The following AKAP19 variants were observed in gnomAD, a reference collection of about 807,000 sequenced individuals.
AKAP19 encodes the protein small A-kinase anchoring protein.
chr2:190,195,950 T>C, the AKAP19 span, among the ~76,000 whole-genome samples: 1 of 150,428 alleles, frequency 6.6e-6, no homozygotes, highest in African/African-American at 2.4e-5. Flanking sequence ...GCTTTTTTTT[T>C]TTTTTTTTTT....
the AKAP19 span, among the ~76,000 whole-genome samples, chr2:190,157,664 G>A: frequency 6.6e-6 from 1 of 151,704 alleles, no homozygotes; most frequent in South Asian, 2.1e-4. Context: ...TGAGGGAAGG[G>A]GAGACTATAT....
the AKAP19 span, among the ~76,000 whole-genome samples, chr2:190,000,403 T>A: frequency 6.6e-6 from 1 of 152,214 alleles, no homozygotes; most frequent in South Asian, 2.1e-4. Context: ...AAACCACAAG[T>A]AACCTGACTA....
At chr2:190,057,557 T>C in the AKAP19 span, 7 of 1,613,474 alleles carry the variant, frequency 4.3e-6, no homozygotes, top group African/African-American at 4.0e-5. Flanking sequence ...CGTGATTCTG[T>C]TGAGTGCTCA....
At chr2:190,115,781 A>T in the AKAP19 span, among the ~76,000 whole-genome samples, 1 of 152,120 alleles carries the variant, frequency 6.6e-6, no homozygotes, top group Non-Finnish European at 1.5e-5. Context: ...GAATGAGGTG[A>T]GGAATGGGAG....
chr2:190,140,994 G>A, the AKAP19 span, among the ~76,000 whole-genome samples: 3 of 152,058 alleles, frequency 2.0e-5, no homozygotes, highest in East Asian at 1.9e-4. Flanking sequence ...AGATCTCTAG[G>A]GCAGGGGAAA....
At chr2:189,927,701 T>C in the AKAP19 span, among the ~76,000 whole-genome samples, 1 of 152,234 alleles carries the variant, frequency 6.6e-6, no homozygotes, top group Non-Finnish European at 1.5e-5. Context: ...TTCTCTCGTG[T>C]AATCTTAATA....
the AKAP19 span, chr2:190,199,952 A>AAGAG: frequency 6.2e-7 from 1 of 1,614,166 alleles, no homozygotes; most frequent in Non-Finnish European, 8.5e-7. Context: ...TTTATGCCAG[A>AAGAG]AGAGAGATGT....
chr2:190,162,746 T>C, the AKAP19 span, among the ~76,000 whole-genome samples: 8 of 152,190 alleles, frequency 5.3e-5, no homozygotes, highest in Admixed American at 3.3e-4. Flanking sequence ...GATGGACATA[T>C]CAGAGGATTC....
chr2:189,903,232 T>A, the AKAP19 span, among the ~76,000 whole-genome samples: 2 of 151,970 alleles, frequency 1.3e-5, no homozygotes, highest in Admixed American at 1.3e-4. Context: ...TTAGGTTAAT[T>A]TTAATTATAG....
chr2:190,000,767 A>G, the AKAP19 span, among the ~76,000 whole-genome samples: 36,466 of 152,040 alleles, frequency 0.24, 5,271 homozygotes, highest in African/African-American at 0.41. Flanking sequence ...GCTCCTTTGC[A>G]TATGATTAAT....
At chr2:190,180,066 G>T in the AKAP19 span, among the ~76,000 whole-genome samples, 1 of 152,232 alleles carries the variant, frequency 6.6e-6, no homozygotes, top group Non-Finnish European at 1.5e-5. The surrounding 1 kb of genome is among the most constrained non-coding windows in gnomAD (Gnocchi z 6.8). Context: ...AGAGAAACAC[G>T]CTTGGAAAAT....
At chr2:190,100,957 C>A in the AKAP19 span, among the ~76,000 whole-genome samples, 1 of 152,136 alleles carries the variant, frequency 6.6e-6, no homozygotes, top group East Asian at 1.9e-4. Flanking sequence ...GCTCCAAGCA[C>A]CCCAGGCTGA....
the AKAP19 span, among the ~76,000 whole-genome samples, chr2:190,063,912 A>G: frequency 1.3e-5 from 2 of 152,194 alleles, no homozygotes; most frequent in African/African-American, 4.8e-5. Context: ...AAACATAGCC[A>G]GCAAGAAACA....
chr2:190,104,144 A>G, the AKAP19 span, among the ~76,000 whole-genome samples: 2 of 152,304 alleles, frequency 1.3e-5, no homozygotes, highest in Non-Finnish European at 1.5e-5. Flanking sequence ...ATGCGGAGGA[A>G]TGAAACTATA....
the AKAP19 span, among the ~76,000 whole-genome samples, chr2:189,986,421 A>C: frequency 1.7e-4 from 26 of 152,110 alleles, no homozygotes; most frequent in South Asian, 6.2e-4. Context: ...AGAAAAACAA[A>C]AAAAAAAAGG....
the AKAP19 span, among the ~76,000 whole-genome samples, chr2:190,109,937 A>G: frequency 6.6e-6 from 1 of 152,224 alleles, no homozygotes; most frequent in African/African-American, 2.4e-5. Context: ...AAACTTTAGT[A>G]TGCATCAGGA....
chr2:189,988,939 C>A, the AKAP19 span, among the ~76,000 whole-genome samples: 1 of 152,178 alleles, frequency 6.6e-6, no homozygotes, highest in Non-Finnish European at 1.5e-5. Flanking sequence ...ATAGACAAGG[C>A]AGCAGTCTAG....
chr2:189,917,636 A>G, the AKAP19 span: 1 of 315,034 alleles, frequency 3.2e-6, no homozygotes, highest in African/African-American at 2.2e-5. Flanking sequence ...TTTTTCTTGT[A>G]TCCAAGTTAG....
chr2:189,886,812 G>A, the AKAP19 span, among the ~76,000 whole-genome samples: 1 of 151,996 alleles, frequency 6.6e-6, no homozygotes, highest in East Asian at 1.9e-4. Context: ...ATTCAGAACT[G>A]TGCCATATGT....
Sources: gnomAD v4.1 joint callset for allele counts (sites outside exome capture counted in the v4.1 genomes callset) on GRCh38, gnomAD v4.1.1 for gene constraint, Gnocchi (gnomAD v3.1) non-coding constraint, MANE v1.5 for transcripts, NCBI Gene and HGNC (gene_info 2026-07-23, HGNC 2026-07-21) for gene names.